Variants in GOLM2 observed in about 807,000 individuals in gnomAD.
GOLM2 encodes golgi membrane protein 2, also known as protein GOLM2.
GOLM2 carries 26 observed loss-of-function variants against 55.9 expected under a neutral mutation model. That is an observed-to-expected ratio of 0.47 (90% CI 0.34 to 0.65). GOLM2 has a LOEUF of 0.65. Ranked by LOEUF, GOLM2 falls within the 30% of genes least tolerant of loss-of-function variation. GOLM2 has a pLI of 0.01. For synonymous variants in GOLM2, 165 were observed against 194.6 expected (o/e 0.85, Z 1.27); for missense variants, 486 against 531.8 (o/e 0.91, Z 0.85).
At chr15:44,336,001 G>C (rs2079053920) in intron 4 of GOLM2, among the ~76,000 whole-genome samples, 1 of 151,760 alleles carries the variant, frequency 6.6e-6, no homozygotes, top group Admixed American at 6.6e-5. Context: ...TTTTAGTAGA[G>C]ACGGGGTTTC....
At chr15:44,396,871 C>T (rs1296789068) in intron 8 of GOLM2, among the ~76,000 whole-genome samples, 4 of 152,158 alleles carry the variant, frequency 2.6e-5, no homozygotes, top group Non-Finnish European at 1.5e-5. Flanking sequence ...CTTGATACAA[C>T]TCAAAGACTT....
At chr15:44,379,637 T>A in intron 6 of GOLM2, 53 bp from the exon 7 acceptor site, 3 of 736,322 alleles carry the variant, frequency 4.1e-6, no homozygotes, top group Non-Finnish European at 4.4e-6. Context: ...TTTTTTTTTT[T>A]TAGAAATCAT....
chr15:44,322,839 TAGAGTATAAATAAATAACC>T (rs2078959776), intron 1 of GOLM2, 107 bp from the exon 2 acceptor site: 1 of 570,126 alleles, frequency 1.8e-6, no homozygotes. Context: ...TGGAAAGAGG[TAGAGTATAAATAAATAACC>T]AGAGTTTTTT....
intron 4 of GOLM2, among the ~76,000 whole-genome samples, chr15:44,332,906 G>A (rs1231993229): frequency 6.6e-6 from 1 of 152,080 alleles, no homozygotes; most frequent in Non-Finnish European, 1.5e-5. Context: ...GAAATTGTCT[G>A]AAGATTACTA....
rs935461665 is a variant in GOLM2 at position 44,398,776 on chromosome 15, C to T, written c.1073-4111C>T. ...CCACCTCCCGGGTTCAAGCGATTCT[C>T]CTGCCACAGCCTCCCAAGTAGCTGG... is the stretch of plus-strand genomic sequence containing the variant. On this transcript the variant is annotated intron_variant, in intron 8 of 9. Coordinates refer to ENST00000299957, the MANE Select transcript of GOLM2 (RefSeq NM_138423.4). Among the ~76,000 whole-genome samples the T allele has an allele frequency of 2.0e-5, 3 of 150,254 alleles. No individual in the cohort carries two copies. The Admixed American group carries it at 2.0e-4, about 10-fold the overall frequency.
At chr15:44,404,772 CCCA>C (rs1190560734) in intron 9 of GOLM2, among the ~76,000 whole-genome samples, 1 of 152,002 alleles carries the variant, frequency 6.6e-6, no homozygotes, top group Non-Finnish European at 1.5e-5. Context: ...TTGCACATCA[CCCA>C]CCCGCCACAG....
intron 9 of GOLM2, among the ~76,000 whole-genome samples, chr15:44,410,488 T>C (rs530560245): frequency 6.6e-6 from 1 of 152,292 alleles, no homozygotes; most frequent in African/African-American, 2.4e-5. Flanking sequence ...GATTAGCATG[T>C]ATATAAAGTA....
intron 6 of GOLM2, among the ~76,000 whole-genome samples, chr15:44,345,100 C>T (rs1276546779): frequency 1.3e-5 from 2 of 150,560 alleles, no homozygotes; most frequent in African/African-American, 4.9e-5. Context: ...CGTGAGCCAC[C>T]GCGCCTGGCC....
intron 6 of GOLM2, chr15:44,346,196 C>A (rs550904511): frequency 2.0e-5 from 3 of 152,136 alleles, no homozygotes; most frequent in East Asian, 3.9e-4. Context: ...AGCCGCAGCA[C>A]CTGGCCAGGC....
At chr15:44,314,441 C>G (rs1406664321) in intron 1 of GOLM2, among the ~76,000 whole-genome samples, 1 of 151,614 alleles carries the variant, frequency 6.6e-6, no homozygotes. Context: ...TGCCTGTAAT[C>G]CCACCAACTC....
At chr15:44,384,419 T>G (rs2079427170) in intron 8 of GOLM2, among the ~76,000 whole-genome samples, 1 of 152,086 alleles carries the variant, frequency 6.6e-6, no homozygotes. Context: ...GAGACCATCC[T>G]GGCCAACATG....
chr15:44,413,002 CAAAA>C (rs773883653), intron 9 of GOLM2, among the ~76,000 whole-genome samples: 2 of 115,080 alleles, frequency 1.7e-5, no homozygotes, highest in African/African-American at 3.2e-5. Flanking sequence ...GAGTCGGTCT[CAAAA>C]AAAAAAAAAA....
chr15:44,360,194 A>T (rs1253112647), intron 6 of GOLM2, among the ~76,000 whole-genome samples: 1 of 152,002 alleles, frequency 6.6e-6, no homozygotes, highest in Non-Finnish European at 1.5e-5. Flanking sequence ...TCAAATTCAC[A>T]CATAACAATA....
intron 3 of GOLM2, among the ~76,000 whole-genome samples, chr15:44,331,219 G>A (rs574473399): frequency 9.5e-4 from 144 of 152,176 alleles, no homozygotes; most frequent in African/African-American, 3.4e-3. Context: ...GTGTCATTGT[G>A]TTGGCCAGAC....
At chr15:44,333,034 G>A (rs1008471580) in intron 4 of GOLM2, among the ~76,000 whole-genome samples, 1 of 152,140 alleles carries the variant, frequency 6.6e-6, no homozygotes, top group Non-Finnish European at 1.5e-5. Flanking sequence ...CTGGGTTCAC[G>A]CCATTCTCCT....
intron 1 of GOLM2, among the ~76,000 whole-genome samples, chr15:44,290,495 T>A (rs367926752): frequency 3.3e-5 from 5 of 152,336 alleles, no homozygotes; most frequent in African/African-American, 1.2e-4. Context: ...ATTAAGGCCC[T>A]CAGCTAAGTG....
At chr15:44,331,408 A>T (rs902242116) in intron 3 of GOLM2, among the ~76,000 whole-genome samples, 2 of 152,198 alleles carry the variant, frequency 1.3e-5, no homozygotes, top group African/African-American at 4.8e-5. Flanking sequence ...TGATTGGTGT[A>T]TGTGTATCCT....
In GOLM2 at chr15:44,393,988, C is replaced by T. The variant is rs147023184; in HGVS notation, c.1073-8899C>T. Among the ~76,000 whole-genome samples the T allele has an allele frequency of 2.1e-3, 325 of 152,168 alleles. 3 individuals are homozygous for T. The highest frequency in any genetic ancestry group is 3.3e-3 in the Non-Finnish European group (223 of 67,994). Reference sequence around the variant, plus strand: ...GATTACAGGCATGAGCCACCGTGCCCGACCTACTGTGCTATTTTATACAAG... The same window carrying T: ...GATTACAGGCATGAGCCACCGTGCCTGACCTACTGTGCTATTTTATACAAG... On this transcript the variant is annotated intron_variant, in intron 8 of 9. Transcript: ENST00000299957.
chr15:44,402,265 T>C (rs564700130), intron 8 of GOLM2, among the ~76,000 whole-genome samples: 142 of 145,304 alleles, frequency 9.8e-4, no homozygotes, highest in African/African-American at 3.4e-3. Flanking sequence ...TTACTTGGGA[T>C]TTTTTTTTTT....
Sources: allele counts gnomAD v4.1 joint callset (sites outside exome capture counted in the v4.1 genomes callset), GRCh38; gene constraint gnomAD v4.1.1; transcripts MANE v1.5; gene names NCBI Gene and HGNC (gene_info 2026-07-23, HGNC 2026-07-21).